Variants in RP1 observed in about 807,000 individuals in gnomAD.
The protein encoded by RP1 is RP1 axonemal microtubule associated, also known as oxygen-regulated protein 1.
Under a neutral mutation model 14.8 loss-of-function variants are expected in RP1, and 16 were observed. The observed-to-expected ratio is 1.08, with a 90% CI of 0.73 to 1.65. The LOEUF is 1.65. RP1 is among the 40% of genes most tolerant of loss of function. The probability of loss-of-function intolerance (pLI) is 0.00; values close to 1 mark genes in which losing one functional copy is unlikely to be tolerated. For synonymous variants in RP1, 876 were observed against 883.6 expected, an observed-to-expected ratio of 0.99 and a Z score of 0.15; for missense variants, 2,631 against 2,535.0, an observed-to-expected ratio of 1.04 and a Z score of -0.81.
intron 15 of RP1, among the ~76,000 whole-genome samples, chr8:54,714,779 G>C (rs577748370): frequency 6.6e-6 from 1 of 152,304 alleles, no homozygotes; most frequent in East Asian, 1.9e-4. Flanking sequence ...TGGGCAGCTG[G>C]CAAGATGAAC....
At chr8:54,834,743 T>G (rs553082391) in intron 24 of RP1, among the ~76,000 whole-genome samples, 7 of 152,002 alleles carry the variant, frequency 4.6e-5, no homozygotes, top group Non-Finnish European at 1.0e-4. Flanking sequence ...GTTTCTAACT[T>G]GTTAGAACTC....
chr8:54,774,544 G>A (rs1563372455), downstream of RP1, among the ~76,000 whole-genome samples: 1 of 152,210 alleles, frequency 6.6e-6, no homozygotes, highest in Non-Finnish European at 1.5e-5. Flanking sequence ...TTTGGCACAG[G>A]CATGTCAGGA....
intron 1 of RP1, chr8:54,560,188 G>C (rs1440390681): frequency 2.6e-5 from 4 of 152,156 alleles, no homozygotes; most frequent in Admixed American, 2.6e-4. Context: ...TCCTCTTGAT[G>C]TGAGGGTTGG....
chr8:54,674,661 G>C (rs1807255331), intron 8 of RP1, among the ~76,000 whole-genome samples: 1 of 151,794 alleles, frequency 6.6e-6, no homozygotes, highest in Admixed American at 6.6e-5. Flanking sequence ...ATTAATGAAG[G>C]AATTAGGAGG....
At chr8:54,652,797 T>G in exon 5 of RP1, 3 of 1,535,838 alleles carry the variant, frequency 2.0e-6, no homozygotes, top group Non-Finnish European at 2.6e-6. Context: ...TTGGAGACAT[T>G]GGAGCACTCT....
chr8:54,765,710 C>A (rs944011585), intron 22 of RP1, among the ~76,000 whole-genome samples: 1 of 152,096 alleles, frequency 6.6e-6, no homozygotes, highest in Non-Finnish European at 1.5e-5. Context: ...TACTGAAATT[C>A]TTATCCCTCA....
At chr8:54,754,837 T>C in exon 20 of RP1, 3 of 1,530,014 alleles carry the variant, frequency 2.0e-6, no homozygotes, top group Non-Finnish European at 2.6e-6. Context: ...AAGAAGATCC[T>C]AGATTTTGCA....
At chr8:54,819,313 T>C (rs1026513101) in intron 24 of RP1, among the ~76,000 whole-genome samples, 2 of 152,052 alleles carry the variant, frequency 1.3e-5, no homozygotes, top group Non-Finnish European at 2.9e-5. Context: ...TGATCTTTTT[T>C]ATTATTTCAA....
At chr8:54,677,025 G>A (rs1168679643) in intron 8 of RP1, among the ~76,000 whole-genome samples, 2 of 151,750 alleles carry the variant, frequency 1.3e-5, no homozygotes, top group Non-Finnish European at 2.9e-5. Context: ...GGTTTTCAAA[G>A]TGTGGTTCGT....
At chr8:54,790,058 A>C (rs1298889473) in intron 24 of RP1, among the ~76,000 whole-genome samples, 1 of 152,252 alleles carries the variant, frequency 6.6e-6, no homozygotes, top group South Asian at 2.1e-4. Flanking sequence ...AAGCAGCAGC[A>C]CTTCTTGGCC....
intron 12 of RP1, among the ~76,000 whole-genome samples, chr8:54,695,541 C>T (rs113007433): frequency 3.3e-5 from 5 of 152,068 alleles, no homozygotes; most frequent in African/African-American, 1.2e-4. Flanking sequence ...TTTATGAAAT[C>T]ATTAGAACAA....
intron 24 of RP1, among the ~76,000 whole-genome samples, chr8:54,791,371 C>T (rs1810462119): frequency 6.6e-6 from 1 of 151,982 alleles, no homozygotes; most frequent in Non-Finnish European, 1.5e-5. Flanking sequence ...TGAAAAGACA[C>T]TAATTAACAA....
At chr8:54,564,440 T>G (rs989293937) in intron 1 of RP1, among the ~76,000 whole-genome samples, 2 of 151,834 alleles carry the variant, frequency 1.3e-5, no homozygotes, top group African/African-American at 4.8e-5. Context: ...AAACACAGAA[T>G]GGAAGTACTG....
chr8:54,621,483 A>T lies in RP1; in HGVS notation c.517A>T (p.Ser173Cys). 5.0e-6 allele frequency: 8 copies of T among 1,613,882 alleles called. No homozygotes were observed. Among genetic ancestry groups the T allele is most frequent in the Non-Finnish European group, 5.9e-6 (7 of 1,180,000 alleles). The change falls in exon 2 of 4, where the codon AGC becomes TGC. Residue 173 changes from serine (S) to cysteine (C), a missense_variant. Coordinates refer to ENST00000220676, the MANE Select transcript of RP1 (RefSeq NM_006269.2). Reference protein sequence around the residue: ...DPKTRRAVLLSRRVTQSFEAF... With the variant: ...DPKTRRAVLLCRRVTQSFEAF... ...GAAGACGAGGCGTGCGGTTCTTCTG[A>T]GCAGGAGGGTCACCCAGAGCTTCGA...
chr8:54,705,862 A>G (rs2129345013), intron 14 of RP1, among the ~76,000 whole-genome samples: 2 of 121,862 alleles, frequency 1.6e-5, no homozygotes, highest in Admixed American at 1.6e-4. Context: ...ACTTTTCCTT[A>G]TGTTTGTTCA....
At chr8:54,770,606 A>G (rs17320233), downstream of RP1, among the ~76,000 whole-genome samples, 44,930 of 147,452 alleles carry the variant, frequency 0.3, 8,139 homozygotes, top group Middle Eastern at 0.48. Context: ...TAATTTATTT[A>G]CGTTCTCTCA....
chr8:54,620,414 AAGCCTGGGTGTGTAGTAGGCTAT>A (rs1255117658), intron 1 of RP1, among the ~76,000 whole-genome samples: 1 of 152,258 alleles, frequency 6.6e-6, no homozygotes, highest in African/African-American at 2.4e-5. Flanking sequence ...TTATTCCATA[AAGCCTGGGTGTGTAGTAGGCTAT>A]ATCATCTGTT....
intron 1 of RP1, chr8:54,560,826 G>A (rs931082441): frequency 1.3e-5 from 2 of 151,812 alleles, no homozygotes; most frequent in African/African-American, 2.4e-5. Context: ...CCAAGCAGGA[G>A]ACCCACATGG....
Position 54,627,729 on chromosome 8 carries a change from A to C in RP1, c.3847A>C (p.Ser1283Arg). 2 of 1,614,008 alleles carry C rather than the reference A, an allele frequency of 1.2e-6. No individual in the cohort carries two copies. The highest frequency in any genetic ancestry group is 1.7e-6 in the Non-Finnish European group (2 of 1,179,934). The change falls in exon 4 of 4, where the codon AGT becomes CGT. Residue 1283 changes from serine (S) to arginine (R), a missense_variant. By Grantham distance (110) the Ser-to-Arg change is moderately radical. Transcript: ENST00000220676. ...TCNPSDTFFP[S>R]DGYGVDQTSM... ...TAACCCCAGTGACACTTTTTTTCCT[A>C]GTGATGGTTATGGTGTGGATCAGAC...
Sources: allele counts gnomAD v4.1 joint callset (sites outside exome capture counted in the v4.1 genomes callset), GRCh38; gene constraint gnomAD v4.1.1; transcripts MANE v1.5; gene names NCBI Gene and HGNC (gene_info 2026-07-23, HGNC 2026-07-21).